Variants in PRKCE observed in about 807,000 individuals in gnomAD.
PRKCE encodes protein kinase C epsilon, also known as protein kinase C epsilon type.
A neutral mutation model predicts 85.4 loss-of-function variants in PRKCE; 16 were observed. That is an observed-to-expected ratio of 0.19 (90% CI 0.13 to 0.28). The LOEUF is 0.28. PRKCE is among the 10% of genes least tolerant of loss of function. The pLI, the probability that PRKCE is intolerant of heterozygous loss-of-function variation, is 1.00. For missense variants in PRKCE, 573 were observed against 975.2 expected, an observed-to-expected ratio of 0.59 and a Z score of 5.49; for synonymous variants, 388 against 371.5, an observed-to-expected ratio of 1.04 and a Z score of -0.51.
chr2:45,740,635 G>A (rs574405823), intron 1 of PRKCE, among the ~76,000 whole-genome samples: 67 of 152,274 alleles, frequency 4.4e-4, no homozygotes, highest in African/African-American at 1.5e-3. Flanking sequence ...TTCCATTCCA[G>A]TTTTTGTATT....
At chr2:45,730,446 C>A (rs1202779855) in intron 1 of PRKCE, among the ~76,000 whole-genome samples, 1 of 151,286 alleles carries the variant, frequency 6.6e-6, no homozygotes, top group African/African-American at 2.4e-5. Context: ...CTGTGAGCCA[C>A]CAGTTGTAAT....
chr2:45,918,580 C>T (rs1487376464), intron 2 of PRKCE, among the ~76,000 whole-genome samples: 1 of 152,154 alleles, frequency 6.6e-6, no homozygotes, highest in Non-Finnish European at 1.5e-5. Context: ...AACCATTTTT[C>T]GGTTTCTATA....
chr2:45,926,173 C>A (rs1363309589), intron 2 of PRKCE, among the ~76,000 whole-genome samples: 2 of 152,174 alleles, frequency 1.3e-5, no homozygotes, highest in South Asian at 2.1e-4. Context: ...GAATTTTCGG[C>A]CTGCTGCTCA....
chr2:45,811,018 G>T (rs968598013), intron 1 of PRKCE, among the ~76,000 whole-genome samples: 1 of 152,166 alleles, frequency 6.6e-6, no homozygotes, highest in African/African-American at 2.4e-5. Flanking sequence ...TTTCTCTTAC[G>T]GAAAGTTCCT....
chr2:46,172,477 AGGCCTGGGCG>A (rs113533530), intron 14 of PRKCE, among the ~76,000 whole-genome samples: 3,720 of 151,288 alleles, frequency 0.025, 151 homozygotes, highest in African/African-American at 0.085. Context: ...GGGCCTGGGC[AGGCCTGGGCG>A]GGCCTGGGCG....
chr2:45,999,472 C>A (rs1338457234), intron 6 of PRKCE, among the ~76,000 whole-genome samples: 3 of 149,740 alleles, frequency 2.0e-5, no homozygotes, highest in Non-Finnish European at 4.5e-5. Flanking sequence ...ATAGGTAAAA[C>A]TTTTTTTTTT....
In PRKCE at chr2:46,187,053, C is replaced by T. The variant is rs917922795; in HGVS notation, c.*2172C>T. The T allele has an allele frequency of 6.6e-6, 1 of 152,634 alleles. No homozygotes were observed. Among genetic ancestry groups the T allele is most frequent in the African/African-American group, 2.4e-5 (1 of 41,450 alleles). 9.5% of individuals were successfully genotyped at this position (152,634 alleles called of 1,614,324 possible). Reference sequence around the variant, plus strand: ...GAGTACAAGCACAGAAACATCTTTACGGTGGCATCATCTCATTTTTTAGGA... The same window carrying T: ...GAGTACAAGCACAGAAACATCTTTATGGTGGCATCATCTCATTTTTTAGGA... On this transcript the variant is annotated 3_prime_UTR_variant, in exon 15 of 15. Transcript: ENST00000306156.
intron 1 of PRKCE, among the ~76,000 whole-genome samples, chr2:45,780,391 G>A (rs554999766): frequency 8.5e-5 from 13 of 152,264 alleles, no homozygotes; most frequent in Admixed American, 2.0e-4. Flanking sequence ...TTCCCATGGT[G>A]TCTTTTAACC....
intron 2 of PRKCE, among the ~76,000 whole-genome samples, chr2:45,872,126 G>A (rs1411040734): frequency 6.6e-6 from 1 of 152,164 alleles, no homozygotes; most frequent in Non-Finnish European, 1.5e-5. Context: ...TAACTGCTAA[G>A]GAGGGAAAAA....
In PRKCE at chr2:45,894,098, C is replaced by T. The variant is rs1364340517; in HGVS notation, c.412+51035C>T. On this transcript the variant is annotated intron_variant, in intron 2 of 14. Transcript: ENST00000306156. ...CCTTCCATACCCTGCAGCCCATACA[C>T]ATTGTCGCACAGGGTTGGCACACAT... 4.6e-5 allele frequency among the ~76,000 whole-genome samples: 7 copies of T among 152,320 alleles called. No homozygotes were observed. In the East Asian group the frequency reaches 1.2e-3, roughly 25 times the overall value.
At chr2:45,963,950 G>T (rs1701559486) in intron 2 of PRKCE, among the ~76,000 whole-genome samples, 1 of 152,240 alleles carries the variant, frequency 6.6e-6, no homozygotes, top group African/African-American at 2.4e-5. Flanking sequence ...AGCCCAAGGT[G>T]AGGTAGCTGG....
chr2:45,669,048 A>T (rs1029899079), intron 1 of PRKCE, among the ~76,000 whole-genome samples: 1 of 152,126 alleles, frequency 6.6e-6, no homozygotes, highest in African/African-American at 2.4e-5. Context: ...TGAAGATTTA[A>T]AATTAATCTG....
chr2:46,168,699 C>T (rs988982711), intron 14 of PRKCE, among the ~76,000 whole-genome samples: 10 of 152,114 alleles, frequency 6.6e-5, no homozygotes, highest in South Asian at 6.2e-4. Flanking sequence ...GGGTAAAATC[C>T]GGCACCTGAC....
In PRKCE at chr2:45,699,284, C is replaced by T. The variant is rs879677819; in HGVS notation, c.348+46836C>T. On this transcript the variant is annotated intron_variant, in intron 1 of 14. Transcript: ENST00000306156. ...CGGACCTCTGCTGGGACACTGACCC[C>T]ACTGCCTTCTTGTTATGTGTGTCTT... Among the ~76,000 whole-genome samples, 3 of 152,162 alleles carry T rather than the reference C, an allele frequency of 2.0e-5. No homozygotes were observed. The East Asian group carries it at 5.8e-4, about 29-fold the overall frequency.
chr2:46,105,250 C>G (rs1671605053), intron 11 of PRKCE, among the ~76,000 whole-genome samples: 1 of 152,090 alleles, frequency 6.6e-6, no homozygotes, highest in Non-Finnish European at 1.5e-5. Context: ...AGATCCTTCA[C>G]CTTCCTTTTG....
chr2:46,100,971 C>T (rs995105712), intron 11 of PRKCE, among the ~76,000 whole-genome samples: 3 of 152,118 alleles, frequency 2.0e-5, no homozygotes, highest in South Asian at 2.1e-4. Flanking sequence ...CAGGTTCAAG[C>T]GATTCTCCCT....
rs73926143 is a variant in PRKCE at position 45,990,297 on chromosome 2, A to C, written c.823+5617A>C. 4.9e-3 allele frequency among the ~76,000 whole-genome samples: 746 copies of C among 152,336 alleles called. 7 individuals carry two copies. Among genetic ancestry groups the C allele is most frequent in the African/African-American group, 0.017 (708 of 41,580 alleles). On this transcript the variant is annotated intron_variant, in intron 6 of 14. Coordinates refer to ENST00000306156, the MANE Select transcript of PRKCE (RefSeq NM_005400.3). ...TCCACACAGTGACTGGCTTCCTTCA[A>C]TGCAAACAAGAAAGTGAGAAAAGAT...
At chr2:45,726,739 G>A (rs1681107460) in intron 1 of PRKCE, among the ~76,000 whole-genome samples, 1 of 152,160 alleles carries the variant, frequency 6.6e-6, no homozygotes, top group Non-Finnish European at 1.5e-5. Flanking sequence ...GCTGATTTAA[G>A]GGGTCAGATA....
rs865901307 is a variant in PRKCE at position 45,907,591 on chromosome 2, C to T, written c.412+64528C>T. ...GTGCCCAAGCCTGCTTCCCATGTCA[C>T]GTGTGTCATTTTCCCAGTGCCAATC... On this transcript the variant is annotated intron_variant, in intron 2 of 14. Coordinates refer to ENST00000306156, the MANE Select transcript of PRKCE (RefSeq NM_005400.3). The surrounding 1 kb of genome is among the most constrained non-coding windows in gnomAD (Gnocchi z 4.5). Among the ~76,000 whole-genome samples the T allele has an allele frequency of 5.9e-5, 9 of 152,198 alleles. No homozygotes were observed. The highest frequency in any genetic ancestry group is 3.9e-4 in the Admixed American group (6 of 15,278).
Sources: gnomAD v4.1 joint callset for allele counts (sites outside exome capture counted in the v4.1 genomes callset) on GRCh38, gnomAD v4.1.1 for gene constraint, Gnocchi (gnomAD v3.1) non-coding constraint, MANE v1.5 for transcripts, NCBI Gene and HGNC (gene_info 2026-07-23, HGNC 2026-07-21) for gene names.